TBX2: variants seen among roughly 807,000 people sequenced by gnomAD.
TBX2 encodes T-box transcription factor 2, also known as T-box transcription factor TBX2.
TBX2 carries 19 observed loss-of-function variants against 48.4 expected under a neutral mutation model. The ratio of observed to expected loss-of-function variants is 0.39; its 90% CI spans 0.27 to 0.58. The LOEUF (loss-of-function observed/expected upper bound fraction) is 0.58, where lower values mean the gene tolerates loss of function less well. Among genes scored for constraint, TBX2 ranks in the 20% least tolerant of loss-of-function variants. The pLI, the probability that TBX2 is intolerant of heterozygous loss-of-function variation, is 0.54. For synonymous variants in TBX2, 522 were observed against 459.7 expected, an observed-to-expected ratio of 1.14 and a Z score of -1.73; for missense variants, 994 against 1,006.5, an observed-to-expected ratio of 0.99 and a Z score of 0.17.
rs567402369 is a variant in TBX2, at chr17:61,409,153, G to T, written c.*647G>T. 2 of 152,708 alleles carry T rather than the reference G, an allele frequency of 1.3e-5. No homozygotes were observed. Among genetic ancestry groups the T allele is most frequent in the South Asian group, 2.1e-4 (1 of 4,824 alleles). The allele number at this position is 152,708 out of a possible 1,614,324, so 9.5% of individuals were successfully genotyped here. A position where few individuals can be genotyped will look rare whatever the true frequency, so the allele number is the denominator to read the frequency against. The stretch of plus-strand genomic sequence containing the variant: ...TTAAGGTTCCCAGAATATGCAAATT[G>T]GTATTAATTTATTCAAAGGTGTACA... On this transcript the variant is annotated 3_prime_UTR_variant, in exon 7 of 7. Transcript: ENST00000240328.
At chr17:61,401,608 A>G (rs2060264017) in intron 1 of TBX2, 76 bp from the exon 2 acceptor site, 5 of 1,526,318 alleles carry the variant, frequency 3.3e-6, no homozygotes, top group Non-Finnish European at 4.4e-6. Context: ...GAGGAGGGAT[A>G]AATAAAGGAG....
Position 61,408,222 on chromosome 17 carries a change from C to G in TBX2, c.1855C>G (p.Leu619Val), listed in dbSNP as rs780394333. Residue 619 changes from leucine (L) to valine (V), a missense_variant, in exon 7 of 7, where the codon CTG (leucine) becomes GTG (valine). Physicochemically the swap from Leu to Val is conservative, Grantham distance 32. Coordinates refer to ENST00000240328, the MANE Select transcript of TBX2 (RefSeq NM_005994.4). ...SPFLGSARPRLRFSPYQIPVT... is the reference protein window; with the variant it reads ...SPFLGSARPRVRFSPYQIPVT... ...CTTCCTGGGCAGTGCCCGGCCCCGACTGCGTTTCAGCCCCTATCAGATCCC... is the reference window on the plus strand; with the variant it reads ...CTTCCTGGGCAGTGCCCGGCCCCGAGTGCGTTTCAGCCCCTATCAGATCCC... 21 of 1,612,798 alleles carry G rather than the reference C, an allele frequency of 1.3e-5. No individual in the cohort carries two copies. Among genetic ancestry groups the G allele is most frequent in the Non-Finnish European group, 1.6e-5 (19 of 1,179,920 alleles).
chr17:61,408,113 A>AGCAGCC lies in TBX2; in HGVS notation c.1755_1760dup (p.Ala586_Ala587dup). On this transcript the variant is annotated inframe_insertion, in exon 7 of 7. Coordinates refer to ENST00000240328, the MANE Select transcript of TBX2 (RefSeq NM_005994.4). ...CCTACCCCTACACCTACATGGCAGCAGCAGCCGCAGCCGCCTCGGCTTTGC... is the reference window on the plus strand; with the variant it reads ...CCTACCCCTACACCTACATGGCAGCAGCAGCCGCAGCCGCAGCCGCCTCGGCTTTGC... 2 of 1,609,974 alleles carry AGCAGCC rather than the reference A, an allele frequency of 1.2e-6. No homozygotes were observed. The highest frequency in any genetic ancestry group is 1.7e-6 in the Non-Finnish European group (2 of 1,178,794).
intron 5 of TBX2, 164 bp downstream of exon 5, chr17:61,404,933 G>A: frequency 3.2e-6 from 4 of 1,260,096 alleles, no homozygotes; most frequent in African/African-American, 2.9e-5. Flanking sequence ...TACGAGGGCG[G>A]TCCCCGGTAG....
At chr17:61,404,326 T>G in intron 3 of TBX2, 95 bp from the exon 4 acceptor site, 1 of 1,438,610 alleles carries the variant, frequency 7.0e-7, no homozygotes, top group Non-Finnish European at 9.4e-7. Flanking sequence ...CCCCGGGTCT[T>G]CCCTCTGCGG....
At position 61,404,708 on chromosome 17, in the gene TBX2, G is replaced by A; in HGVS notation, c.990G>A (p.Ala330=). Residue 330 remains alanine (A), a synonymous_variant, in exon 5 of 7, where the codon GCG becomes GCA. Coordinates refer to ENST00000240328, the MANE Select transcript of TBX2 (RefSeq NM_005994.4). ...SDASSCDPPP[A]REPPTSPGAA... Reference sequence around the variant, plus strand: ...CCTCGTCGTGCGACCCTCCCCCCGCGCGGGAACCACCCACCTCCCCGGGCG... The same window carrying A: ...CCTCGTCGTGCGACCCTCCCCCCGCACGGGAACCACCCACCTCCCCGGGCG... The A allele has an allele frequency of 6.4e-7, 1 of 1,565,462 alleles. No individual in the cohort carries two copies. The highest frequency in any genetic ancestry group is 1.9e-5 in the Admixed American group (1 of 53,680).
rs747062779 is a variant in TBX2, at chr17:61,408,113, A to G, written c.1746A>G (p.Ala582=). ...CCTACCCCTACACCTACATGGCAGCAGCAGCCGCAGCCGCCTCGGCTTTGC... is the reference window on the plus strand; with the variant it reads ...CCTACCCCTACACCTACATGGCAGCGGCAGCCGCAGCCGCCTCGGCTTTGC... ...LFPYPYTYMA[A]AAAAASALPA... is the part of the protein sequence containing the mutation. Residue 582 remains alanine (A), a synonymous_variant, in exon 7 of 7, where the codon GCA becomes GCG. Transcript: ENST00000240328. 2 of 1,609,974 alleles carry G rather than the reference A, an allele frequency of 1.2e-6. No homozygotes were observed. The highest frequency in any genetic ancestry group is 2.2e-5 in the South Asian group (2 of 90,840).
rs1345580463 is a variant in TBX2, at chr17:61,408,155, A to C, written c.1788A>C (p.Ala596=). 3 of 1,611,334 alleles carry C rather than the reference A, an allele frequency of 1.9e-6. No individual in the cohort carries two copies. The highest frequency in any genetic ancestry group is 2.5e-6 in the Non-Finnish European group (3 of 1,179,426). Residue 596 remains alanine (A), a synonymous_variant, in exon 7 of 7, where the codon GCA becomes GCC. Coordinates refer to ENST00000240328, the MANE Select transcript of TBX2 (RefSeq NM_005994.4). ...CGGCTTTGCCCGCCACTAGTGCTGC[A>C]GCTGCCGCCGCCGCAGCCGCCGGCT... ...AASALPATSA[A]AAAAAAAGSL...
In TBX2 at chr17:61,406,248, C is replaced by T. The variant is rs892388619; in HGVS notation, c.1686+412C>T. The T allele has an allele frequency of 7.5e-5, 13 of 174,142 alleles. No homozygotes were observed. Among genetic ancestry groups the T allele is most frequent in the Non-Finnish European group, 9.6e-5 (8 of 83,164 alleles). 10.8% of individuals were successfully genotyped at this position (174,142 alleles called of 1,614,324 possible). A position where few individuals can be genotyped will look rare whatever the true frequency, so the allele number is the denominator to read the frequency against. On this transcript the variant is annotated intron_variant, in intron 6 of 6. Transcript: ENST00000240328. The surrounding 1 kb of genome is among the most constrained non-coding windows in gnomAD (Gnocchi z 5.7). ...GAACAAAGACCCTTGGCTCCCTGTC[C>T]ATTCTGAAAGGCTAAGGTGGCCAGA...
rs986465437 is a variant in TBX2 at position 61,403,362 on chromosome 17, G to C, written c.810+155G>C. ...ACCGAGCCTCGCATCCATACGCGCAGCACTCACGGAAGTCCTCAAGGCGCC... is the reference window on the plus strand; with the variant it reads ...ACCGAGCCTCGCATCCATACGCGCACCACTCACGGAAGTCCTCAAGGCGCC... On this transcript the variant is annotated intron_variant, in intron 3 of 6. Transcript: ENST00000240328. The surrounding 1 kb of genome is among the most constrained non-coding windows in gnomAD (Gnocchi z 5.8). 6.6e-6 allele frequency among the ~76,000 whole-genome samples: 1 copy of C among 152,234 alleles called. No homozygotes were observed. Among genetic ancestry groups the C allele is most frequent in the Non-Finnish European group, 1.5e-5 (1 of 68,030 alleles).
chr17:61,402,010 G>A (rs966920177), intron 2 of TBX2, 59 bp downstream of exon 2: 1 of 1,525,850 alleles, frequency 6.6e-7, no homozygotes, highest in Non-Finnish European at 8.8e-7. Flanking sequence ...CACTGCAGCT[G>A]AGCAGGAGAG....
chr17:61,402,913 G>T (rs1341790406), intron 2 of TBX2, 148 bp from the exon 3 acceptor site: 4 of 864,600 alleles, frequency 4.6e-6, no homozygotes, highest in Non-Finnish European at 6.5e-6. Flanking sequence ...GAGAAAATGG[G>T]GAAGAGGAAG....
In TBX2 at chr17:61,403,323, G is replaced by A; in HGVS notation, c.810+116G>A. On this transcript the variant is annotated intron_variant, in intron 3 of 6. Transcript: ENST00000240328. This position sits in a 1 kb window ranked among gnomAD's most constrained non-coding sequence, Gnocchi z 5.8. ...CCTGCACGGGATCCGCGCTCTTGCG[G>A]CCCGCCCCCGAGCACCGAGCCTCGC... 1.4e-6 allele frequency: 2 copies of A among 1,480,326 alleles called. No homozygotes were observed. Among genetic ancestry groups the A allele is most frequent in the Non-Finnish European group, 1.8e-6 (2 of 1,112,322 alleles). 91.7% of individuals were successfully genotyped at this position (1,480,326 alleles called of 1,614,324 possible).
Position 61,403,212 on chromosome 17 carries a change from G to A in TBX2, c.810+5G>A. ...ACTGCCTACCAGAATGACAAGGTGC[G>A]CGCGGCGGGCGGTGGGCTAAGCCCC... On this transcript the variant is annotated splice_donor_5th_base_variant and intron_variant, in intron 3 of 6. Transcript: ENST00000240328. This position sits in a 1 kb window ranked among gnomAD's most constrained non-coding sequence, Gnocchi z 5.8. 2 of 1,612,036 alleles carry A rather than the reference G, an allele frequency of 1.2e-6. No individual in the cohort carries two copies. Among genetic ancestry groups the A allele is most frequent in the Non-Finnish European group, 1.7e-6 (2 of 1,179,928 alleles).
chr17:61,404,407 C>A lies in TBX2; in HGVS notation c.811-14C>A. The A allele has an allele frequency of 6.2e-7, 1 of 1,600,110 alleles. No individual in the cohort carries two copies. On this transcript the variant is annotated splice_polypyrimidine_tract_variant and intron_variant, in intron 3 of 6. Coordinates refer to ENST00000240328, the MANE Select transcript of TBX2 (RefSeq NM_005994.4). Reference sequence around the variant, plus strand: ...CCACGGCCTGACTTAGCGCCGCCCCCTTGGTCCCCGCAGATCACACAGCTG... The same window carrying A: ...CCACGGCCTGACTTAGCGCCGCCCCATTGGTCCCCGCAGATCACACAGCTG...
rs1167860773 is a variant in TBX2 at position 61,404,690 on chromosome 17, G to A, written c.972G>A (p.Ser324=). Residue 324 remains serine, a synonymous_variant, in exon 5 of 7, where the codon TCG becomes TCA. Coordinates refer to ENST00000240328, the MANE Select transcript of TBX2 (RefSeq NM_005994.4). The stretch of plus-strand genomic sequence containing the variant: ...ATGGCGCGGAGTCAGACGCCTCGTC[G>A]TGCGACCCTCCCCCCGCGCGGGAAC... ...ERDGAESDAS[S]CDPPPAREPP... is the part of the protein sequence containing the mutation. 3.8e-6 allele frequency: 6 copies of A among 1,578,022 alleles called. No individual in the cohort carries two copies. Among genetic ancestry groups the A allele is most frequent in the Admixed American group, 1.8e-5 (1 of 55,630 alleles).
Position 61,403,874 on chromosome 17 carries a change from G to T in TBX2, c.811-547G>T, listed in dbSNP as rs1013240436. ...GAGGGTACGAGTGTCCGTGCCGGTC[G>T]TTGTGGCTTTGTGAACCAAGGTGTA... On this transcript the variant is annotated intron_variant, in intron 3 of 6. Transcript: ENST00000240328. This position sits in a 1 kb window ranked among gnomAD's most constrained non-coding sequence, Gnocchi z 5.8. Among the ~76,000 whole-genome samples the T allele has an allele frequency of 6.6e-6, 1 of 152,172 alleles. No individual in the cohort carries two copies. Among genetic ancestry groups the T allele is most frequent in the Non-Finnish European group, 1.5e-5 (1 of 68,040 alleles).
intron 5 of TBX2, 23 bp downstream of exon 5, chr17:61,404,792 G>C (rs548574836): frequency 4.6e-6 from 7 of 1,512,596 alleles, no homozygotes; most frequent in African/African-American, 1.4e-5. Flanking sequence ...CCGGAGGAGG[G>C]ACAGGGAGGT....
At position 61,408,348 on chromosome 17, in the gene TBX2, G is replaced by C. The variant is rs759307454; in HGVS notation, c.1981G>C (p.Glu661Gln). The C allele has an allele frequency of 3.8e-6, 6 of 1,596,024 alleles. No homozygotes were observed. In the African/African-American group the frequency reaches 5.4e-5, roughly 14 times the overall value. ...GNSREPSPLP[E>Q]LALRKVGAPS... ...CAGCCGGGAGCCTAGCCCCCTGCCC[G>C]AGCTGGCTCTCCGCAAAGTAGGGGC... Residue 661 changes from glutamate (E) to glutamine (Q), a missense_variant, in exon 7 of 7, where the codon GAG (glutamate) becomes CAG (glutamine). Glu to Gln is a conservative substitution (Grantham distance 29). Transcript: ENST00000240328.
Sources: allele counts gnomAD v4.1 joint callset (sites outside exome capture counted in the v4.1 genomes callset), GRCh38; gene constraint gnomAD v4.1.1; non-coding constraint Gnocchi (gnomAD v3.1); transcripts MANE v1.5; gene names NCBI Gene and HGNC (gene_info 2026-07-23, HGNC 2026-07-21).